Variants in STAM2 observed in about 807,000 individuals in gnomAD.
STAM2 encodes the protein signal transducing adapter molecule 2.
A neutral mutation model predicts 65.6 loss-of-function variants in STAM2; 51 were observed. The ratio of observed to expected loss-of-function variants is 0.78; its 90% CI spans 0.62 to 0.98. The LOEUF (loss-of-function observed/expected upper bound fraction) is 0.98, where lower values mean the gene tolerates loss of function less well. STAM2 is among the 50% of genes least tolerant of loss of function. The pLI, the probability that STAM2 is intolerant of heterozygous loss-of-function variation, is 0.00. For synonymous variants in STAM2, 198 were observed against 208.4 expected (o/e 0.95, Z 0.43); for missense variants, 584 against 617.8 (o/e 0.95, Z 0.58).
chr2:152,125,642 T>C (rs1372431759), intron 12 of STAM2, among the ~76,000 whole-genome samples: 1 of 152,234 alleles, frequency 6.6e-6, no homozygotes, highest in African/African-American at 2.4e-5. Context: ...ACGGAGTCTG[T>C]ACCTCCTAGA....
chr2:152,164,130 G>A (rs560591628), intron 1 of STAM2, among the ~76,000 whole-genome samples: 12 of 152,144 alleles, frequency 7.9e-5, no homozygotes, highest in Admixed American at 3.3e-4. Context: ...CCTACGGCCC[G>A]TAATGACCTG....
chr2:152,147,990 A>T lies in STAM2; in HGVS notation c.300+34T>A. 3 of 1,487,878 alleles carry T rather than the reference A, an allele frequency of 2.0e-6. No individual in the cohort carries two copies. In the South Asian group the frequency reaches 3.6e-5, roughly 18 times the overall value. 92.2% of individuals were successfully genotyped at this position (1,487,878 alleles called of 1,614,324 possible). On this transcript the variant is annotated intron_variant, in intron 4 of 13. Coordinates refer to ENST00000263904, the MANE Select transcript of STAM2 (RefSeq NM_005843.6). ...AATGACACACAATCTACATTTTTTT[A>T]ATGACTTAAAGTTCTTCTGTTTTTA...
At chr2:152,149,062 T>C (rs931542580) in intron 2 of STAM2, among the ~76,000 whole-genome samples, 1 of 152,248 alleles carries the variant, frequency 6.6e-6, no homozygotes, top group African/African-American at 2.4e-5. Context: ...TTCAGCTAAT[T>C]GCCACATCTC....
chr2:152,171,391 T>C (rs1416546675), intron 1 of STAM2, among the ~76,000 whole-genome samples: 3 of 149,512 alleles, frequency 2.0e-5, no homozygotes, highest in African/African-American at 5.0e-5. Flanking sequence ...ACTATTCTTA[T>C]TCAAAACCAA....
intron 1 of STAM2, among the ~76,000 whole-genome samples, chr2:152,154,332 G>A (rs1045502020): frequency 5.9e-5 from 9 of 152,104 alleles, no homozygotes; most frequent in Admixed American, 3.9e-4. Context: ...AAAAAGCAAG[G>A]GCAAACTAGG....
chr2:152,152,643 C>T (rs963887265), intron 1 of STAM2, among the ~76,000 whole-genome samples: 1 of 152,122 alleles, frequency 6.6e-6, no homozygotes, highest in Non-Finnish European at 1.5e-5. Context: ...GGACATTACG[C>T]CTTCATTGTC....
At chr2:152,122,689 T>C (rs1353714759) in intron 13 of STAM2, among the ~76,000 whole-genome samples, 2 of 152,104 alleles carry the variant, frequency 1.3e-5, no homozygotes, top group Non-Finnish European at 2.9e-5. Context: ...TTATATTGAA[T>C]GAACATTTTG....
chr2:152,157,174 C>T (rs1689570853), intron 1 of STAM2, among the ~76,000 whole-genome samples: 1 of 152,146 alleles, frequency 6.6e-6, no homozygotes, highest in South Asian at 2.1e-4. Context: ...GGTTTCTAAG[C>T]ACAGTGATTA....
At chr2:152,159,496 C>A (rs1191398103) in intron 1 of STAM2, among the ~76,000 whole-genome samples, 1 of 152,008 alleles carries the variant, frequency 6.6e-6, no homozygotes, top group Non-Finnish European at 1.5e-5. Context: ...TGTAGAAAAG[C>A]CACTTTTTTT....
At chr2:152,131,019 G>C (rs368520590) in intron 11 of STAM2, among the ~76,000 whole-genome samples, 4 of 147,700 alleles carry the variant, frequency 2.7e-5, no homozygotes, top group African/African-American at 9.9e-5. Flanking sequence ...AAGAAAAAAA[G>C]AAAAACAAAA....
chr2:152,166,747 C>T (rs1024992389), intron 1 of STAM2, among the ~76,000 whole-genome samples: 1 of 152,106 alleles, frequency 6.6e-6, no homozygotes, highest in African/African-American at 2.4e-5. Flanking sequence ...CAAAACACTG[C>T]ACATGCTAGA....
intron 7 of STAM2, among the ~76,000 whole-genome samples, chr2:152,139,500 G>T (rs535798200): frequency 2.6e-5 from 4 of 152,116 alleles, no homozygotes; most frequent in African/African-American, 9.7e-5. Flanking sequence ...AGGCTGTAGC[G>T]TGCTATGCTC....
chr2:152,120,773 G>C lies in STAM2; in HGVS notation c.1379C>G (p.Thr460Ser), dbSNP rs1430506352. 6.2e-7 allele frequency: 1 copy of C among 1,614,138 alleles called. No individual in the cohort carries two copies. The highest frequency in any genetic ancestry group is 1.7e-5 in the Admixed American group (1 of 60,014). The part of the protein sequence containing the change: ...STGQDTVSNP[T>S]YMNQNSNLQS... The stretch of plus-strand genomic sequence containing the variant: ...TAGGTTAGAGTTCTGGTTCATATAA[G>C]TAGGATTGGAAACAGTGTCTTGTCC... Residue 460 changes from threonine (T) to serine (S), a missense_variant, in exon 14 of 14, where the codon ACT becomes AGT. Physicochemically the swap from Thr to Ser is moderately conservative, Grantham distance 58. Coordinates refer to ENST00000263904, the MANE Select transcript of STAM2 (RefSeq NM_005843.6).
chr2:152,127,275 C>T (rs1231954194), intron 11 of STAM2, among the ~76,000 whole-genome samples: 1 of 152,162 alleles, frequency 6.6e-6, no homozygotes, highest in African/African-American at 2.4e-5. Context: ...CAGTCACAAT[C>T]CTCTACTGGT....
chr2:152,120,652 C>G lies in STAM2; in HGVS notation c.1500G>C (p.Leu500=). The G allele has an allele frequency of 6.2e-7, 1 of 1,614,100 alleles. No individual in the cohort carries two copies. Among genetic ancestry groups the G allele is most frequent in the Non-Finnish European group, 8.5e-7 (1 of 1,180,026 alleles). The change falls in exon 14 of 14, where the codon CTG becomes CTC. Residue 500 remains leucine, a synonymous_variant. Coordinates refer to ENST00000263904, the MANE Select transcript of STAM2 (RefSeq NM_005843.6). ...CTGGAACTGTCACCGGAAAGCCTGC[C>G]AGTTGAGGCAAATTGGAAGTAGTGT... ...YQNTTSNLPQ[L]AGFPVTVPAH... is the part of the protein sequence containing the mutation.
chr2:152,129,762 T>C (rs1174154409), intron 11 of STAM2, among the ~76,000 whole-genome samples: 2 of 152,252 alleles, frequency 1.3e-5, no homozygotes, highest in African/African-American at 4.8e-5. Flanking sequence ...CTTTTCCAGT[T>C]TGATTATTCA....
chr2:152,156,092 T>A (rs137889510), intron 1 of STAM2, among the ~76,000 whole-genome samples: 5,206 of 152,268 alleles, frequency 0.034, 138 homozygotes, highest in Non-Finnish European at 0.053. Context: ...TTTTTCCAAT[T>A]CTGGTCATGT....
At chr2:152,124,982 G>A (rs1355406771) in intron 12 of STAM2, among the ~76,000 whole-genome samples, 1 of 152,184 alleles carries the variant, frequency 6.6e-6, no homozygotes, top group Non-Finnish European at 1.5e-5. Flanking sequence ...TACAGATTAC[G>A]TGAGGAATCA....
At chr2:152,137,054 C>T (rs930889120) in intron 7 of STAM2, among the ~76,000 whole-genome samples, 9 of 151,884 alleles carry the variant, frequency 5.9e-5, no homozygotes, top group African/African-American at 2.2e-4. Context: ...ACCACCACAC[C>T]TATTTTTGTA....
Sources: gnomAD v4.1 joint callset for allele counts (sites outside exome capture counted in the v4.1 genomes callset) on GRCh38, gnomAD v4.1.1 for gene constraint, MANE v1.5 for transcripts, NCBI Gene and HGNC (gene_info 2026-07-23, HGNC 2026-07-21) for gene names.